CAMK1G: variants seen among roughly 807,000 people sequenced by gnomAD.
CAMK1G encodes calcium/calmodulin-dependent protein kinase type 1G.
A neutral mutation model predicts 54.8 loss-of-function variants in CAMK1G; 27 were observed. The observed-to-expected ratio is 0.49, with a 90% CI of 0.36 to 0.68. The LOEUF (loss-of-function observed/expected upper bound fraction) is 0.68, where lower values mean the gene tolerates loss of function less well. Ranked by LOEUF, CAMK1G falls within the 30% of genes least tolerant of loss-of-function variation. CAMK1G has a pLI of 0.00. For synonymous variants in CAMK1G, 238 were observed against 224.9 expected (o/e 1.06, Z -0.52); for missense variants, 512 against 591.0 (o/e 0.87, Z 1.39).
intron 1 of CAMK1G, among the ~76,000 whole-genome samples, chr1:209,588,643 G>C (rs1186570924): frequency 6.6e-6 from 1 of 152,210 alleles, no homozygotes; most frequent in Non-Finnish European, 1.5e-5. Flanking sequence ...GTGGGGTCAT[G>C]AGGTGACCTG....
At chr1:209,589,789 T>A (rs1209773615) in intron 1 of CAMK1G, among the ~76,000 whole-genome samples, 1 of 152,252 alleles carries the variant, frequency 6.6e-6, no homozygotes, top group Non-Finnish European at 1.5e-5. Flanking sequence ...GCCAGACTCC[T>A]ATCATAGAAA....
chr1:209,604,907 T>C (rs145232777), intron 4 of CAMK1G, among the ~76,000 whole-genome samples: 8 of 152,310 alleles, frequency 5.3e-5, no homozygotes, highest in South Asian at 2.1e-4. Flanking sequence ...CTGACACTTA[T>C]GTGTTCTAGT....
intron 1 of CAMK1G, among the ~76,000 whole-genome samples, chr1:209,589,784 A>T (rs1262924390): frequency 6.6e-6 from 1 of 152,114 alleles, no homozygotes; most frequent in African/African-American, 2.4e-5. Context: ...TTAAGGCCAG[A>T]CTCCTATCAT....
chr1:209,607,745 C>T (rs1238090773), intron 6 of CAMK1G, 113 bp from the exon 7 acceptor site: 1 of 785,868 alleles, frequency 1.3e-6, no homozygotes, highest in Admixed American at 2.4e-5. Flanking sequence ...TCCTAGAAAC[C>T]CCACCATCCC....
In CAMK1G at chr1:209,613,119, GCTT is replaced by G. The variant is rs1235724395; in HGVS notation, c.*118_*120del. On this transcript the variant is annotated 3_prime_UTR_variant, in exon 13 of 13. Coordinates refer to ENST00000361322, the MANE Select transcript of CAMK1G (RefSeq NM_020439.3). Reference sequence around the variant, plus strand: ...AGGAAGGCAGAGCAAGTGGAGCAGGGCTTAGCAGGAGCAGTTTCTGGCCAGAAG... The same window carrying G: ...AGGAAGGCAGAGCAAGTGGAGCAGGGAGCAGGAGCAGTTTCTGGCCAGAAG... The G allele has an allele frequency of 9.6e-6, 4 of 418,252 alleles. No individual in the cohort carries two copies. The East Asian group carries it at 1.7e-4, about 18-fold the overall frequency. The allele number at this position is 418,252 out of a possible 1,614,324, so 25.9% of individuals were successfully genotyped here. A position where few individuals can be genotyped will look rare whatever the true frequency, so the allele number is the denominator to read the frequency against.
At position 209,603,832 on chromosome 1, in the gene CAMK1G, G is replaced by A. The variant is rs144398364; in HGVS notation, c.296+544G>A. On this transcript the variant is annotated intron_variant, in intron 4 of 12. Coordinates refer to ENST00000361322, the MANE Select transcript of CAMK1G (RefSeq NM_020439.3). ...TATAAAGAAAGATTTTCCCAAAACA[G>A]AGTCACCCAAAGTTAAAGACAGGCT... Among the ~76,000 whole-genome samples, 141 of 152,310 alleles carry A rather than the reference G, an allele frequency of 9.3e-4. 2 individuals are homozygous for A. The highest frequency in any genetic ancestry group is 3.4e-3 in the Middle Eastern group (1 of 294).
At chr1:209,602,498 T>C (rs1665554343) in intron 3 of CAMK1G, among the ~76,000 whole-genome samples, 1 of 152,236 alleles carries the variant, frequency 6.6e-6, no homozygotes, top group Non-Finnish European at 1.5e-5. Context: ...TGTATACAGG[T>C]TGAGCATTCC....
intron 1 of CAMK1G, among the ~76,000 whole-genome samples, chr1:209,589,951 G>T (rs1287235633): frequency 6.6e-6 from 1 of 152,114 alleles, no homozygotes; most frequent in Non-Finnish European, 1.5e-5. Context: ...TGAGAATCTT[G>T]CTGTGCTGAG....
chr1:209,599,439 T>C (rs542520374), intron 2 of CAMK1G, among the ~76,000 whole-genome samples: 1 of 152,396 alleles, frequency 6.6e-6, no homozygotes, highest in Admixed American at 6.5e-5. Flanking sequence ...TTCTCATTGC[T>C]ATGTTCTCTG....
chr1:209,587,094 A>G (rs1449278594), intron 1 of CAMK1G, among the ~76,000 whole-genome samples: 2 of 152,000 alleles, frequency 1.3e-5, no homozygotes, highest in African/African-American at 2.4e-5. Context: ...TGGGAAATGG[A>G]GTGGGTGGTC....
intron 4 of CAMK1G, 57 bp from the exon 5 acceptor site, chr1:209,605,479 T>C: frequency 6.3e-7 from 1 of 1,586,020 alleles, no homozygotes. Flanking sequence ...GCAAACACCT[T>C]CTCATTACTT....
chr1:209,592,067 C>A (rs948103496), intron 1 of CAMK1G, among the ~76,000 whole-genome samples: 2 of 152,080 alleles, frequency 1.3e-5, no homozygotes, highest in Admixed American at 6.5e-5. Flanking sequence ...TCCTATTAGG[C>A]TGGGATTGAT....
intron 11 of CAMK1G, 179 bp downstream of exon 11, chr1:209,612,395 T>G (rs1276318569): frequency 1.2e-5 from 8 of 672,524 alleles, no homozygotes; most frequent in Non-Finnish European, 2.0e-5. Flanking sequence ...CACTTACTAG[T>G]TGTGAGGCCA....
intron 2 of CAMK1G, among the ~76,000 whole-genome samples, chr1:209,597,608 T>C (rs1665422272): frequency 6.6e-6 from 1 of 152,204 alleles, no homozygotes; most frequent in African/African-American, 2.4e-5. Flanking sequence ...TAAATCTTGG[T>C]TGAAGGGATG....
At chr1:209,586,180 TA>T (rs1340312645) in intron 1 of CAMK1G, among the ~76,000 whole-genome samples, 2 of 152,284 alleles carry the variant, frequency 1.3e-5, no homozygotes, top group Non-Finnish European at 2.9e-5. Flanking sequence ...CTGGGAAGGT[TA>T]ATAGTAATGA....
In CAMK1G at chr1:209,594,973, C is replaced by T; in HGVS notation, c.-11C>T. On this transcript the variant is annotated 5_prime_UTR_variant, in exon 2 of 13. Coordinates refer to ENST00000361322, the MANE Select transcript of CAMK1G (RefSeq NM_020439.3). ...AATAAAGCATCCTCAGAAGCTTCAACTCTGGAGGCAATGGGTCGAAAGGAA... is the reference window on the plus strand; with the variant it reads ...AATAAAGCATCCTCAGAAGCTTCAATTCTGGAGGCAATGGGTCGAAAGGAA... The T allele has an allele frequency of 1.9e-6, 3 of 1,613,004 alleles. No homozygotes were observed. The highest frequency in any genetic ancestry group is 2.5e-6 in the Non-Finnish European group (3 of 1,179,362).
intron 11 of CAMK1G, 116 bp downstream of exon 11, chr1:209,612,332 G>A: frequency 1.7e-6 from 2 of 1,148,420 alleles, no homozygotes; most frequent in Non-Finnish European, 1.2e-6. Context: ...TATATAGGGA[G>A]GGATGAGTTC....
In CAMK1G at chr1:209,599,968, G is replaced by T; in HGVS notation, c.93-15G>T. 2 of 1,612,078 alleles carry T rather than the reference G, an allele frequency of 1.2e-6. No homozygotes were observed. Among genetic ancestry groups the T allele is most frequent in the South Asian group, 1.1e-5 (1 of 90,984 alleles). On this transcript the variant is annotated splice_polypyrimidine_tract_variant and intron_variant, in intron 2 of 12. Transcript: ENST00000361322. ...GCCCCCTACTAAGTTTTATCTTTTG[G>T]TGTCTTCTCCTCAGAGGAGCTTTCT...
At chr1:209,606,486 T>A (rs1410919013) in intron 6 of CAMK1G, 43 bp downstream of exon 6, 2 of 1,602,892 alleles carry the variant, frequency 1.2e-6, no homozygotes, top group Non-Finnish European at 1.7e-6. Context: ...TTGGCTACAT[T>A]CAACCACATG....
Sources: gnomAD v4.1 joint callset for allele counts (sites outside exome capture counted in the v4.1 genomes callset) on GRCh38, gnomAD v4.1.1 for gene constraint, MANE v1.5 for transcripts, NCBI Gene and HGNC (gene_info 2026-07-23, HGNC 2026-07-21) for gene names.